Variants in TMEM132D observed in about 807,000 individuals in gnomAD.
The protein encoded by TMEM132D is transmembrane protein 132D, also known as mature OL transmembrane protein.
In TMEM132D, 21 loss-of-function variants were observed where a neutral mutation model predicts 62.3. That is an observed-to-expected ratio of 0.34 (90% CI 0.24 to 0.49). TMEM132D has a LOEUF of 0.49. Ranked by LOEUF, TMEM132D falls within the 20% of genes least tolerant of loss-of-function variation. TMEM132D has a pLI of 0.99. For missense variants in TMEM132D, 1,346 were observed against 1,402.8 expected (o/e 0.96, Z 0.65); for synonymous variants, 621 against 575.6 (o/e 1.08, Z -1.13).
chr12:129,903,326 T>C lies in TMEM132D; in HGVS notation c.14A>G (p.Glu5Gly). Residue 5 changes from glutamate to glycine, a missense_variant, in exon 1 of 9, where the codon GAG becomes GGG. By Grantham distance (98) the Glu-to-Gly change is moderately conservative. Transcript: ENST00000422113. The surrounding 1 kb of genome is among the most constrained non-coding windows in gnomAD (Gnocchi z 6.2). MCPS[E>G]MGTLWHHWSP... is the part of the protein sequence containing the mutation. ...CCAGTGGTGCCACAGCGTCCCCATC[T>C]CAGACGGGCACATCCTGGAGACCCG... 1 of 1,553,044 alleles carries C rather than the reference T, an allele frequency of 6.4e-7. No individual in the cohort carries two copies. The highest frequency in any genetic ancestry group is 8.7e-7 in the Non-Finnish European group (1 of 1,147,886).
intron 4 of TMEM132D, among the ~76,000 whole-genome samples, chr12:129,318,358 C>T (rs1371340590): frequency 6.6e-6 from 1 of 152,148 alleles, no homozygotes; most frequent in African/African-American, 2.4e-5. Context: ...ATACTCTTCC[C>T]CTTTTCCTAT....
chr12:129,176,597 TGCTTTGATGGCTCTC>T (rs1210991896), intron 5 of TMEM132D, among the ~76,000 whole-genome samples: 1 of 152,200 alleles, frequency 6.6e-6, no homozygotes, highest in African/African-American at 2.4e-5. Context: ...CTCCCCAAAT[TGCTTTGATGGCTCTC>T]GCTACCACAC....
intron 3 of TMEM132D, among the ~76,000 whole-genome samples, chr12:129,459,201 A>G (rs1334818859): frequency 2.0e-5 from 3 of 152,156 alleles, no homozygotes; most frequent in African/African-American, 7.2e-5. Context: ...ATGAGGGCAG[A>G]GTGAGGCCTG....
chr12:129,207,540 G>A (rs563221603), intron 5 of TMEM132D, among the ~76,000 whole-genome samples: 52 of 152,244 alleles, frequency 3.4e-4, no homozygotes, highest in Middle Eastern at 3.4e-3. Flanking sequence ...CGAGGGAGCC[G>A]TACAGGCATC....
chr12:129,750,313 T>C (rs1869959236), intron 1 of TMEM132D, among the ~76,000 whole-genome samples: 1 of 152,130 alleles, frequency 6.6e-6, no homozygotes, highest in African/African-American at 2.4e-5. Context: ...CTCGATCTCC[T>C]GACCTCATGA....
In TMEM132D at chr12:129,172,623, G is replaced by A. The variant is rs146904371; in HGVS notation, c.1443+36897C>T. Among the ~76,000 whole-genome samples the A allele has an allele frequency of 1.6e-3, 241 of 152,256 alleles. 7 individuals are homozygous for A. The East Asian group carries it at 0.043, about 27-fold the overall frequency. ...GATAGAGTTTCACTCTTGTTGCCCA[G>A]GCTGGAGTGCAATGGTGAGATCTTG... On this transcript the variant is annotated intron_variant, in intron 5 of 8. Transcript: ENST00000422113.
chr12:129,159,447 A>G (rs1877334760), intron 5 of TMEM132D, among the ~76,000 whole-genome samples: 1 of 152,158 alleles, frequency 6.6e-6, no homozygotes, highest in African/African-American at 2.4e-5. Flanking sequence ...GAGATAAATG[A>G]CATATGCATA....
intron 4 of TMEM132D, among the ~76,000 whole-genome samples, chr12:129,261,728 TTCTC>T (rs2135595694): frequency 6.6e-6 from 1 of 152,292 alleles, no homozygotes; most frequent in East Asian, 1.9e-4. Context: ...TTGCAAGGCC[TTCTC>T]TCTGTGTGTG....
At chr12:129,603,635 G>A (rs537703158) in intron 2 of TMEM132D, among the ~76,000 whole-genome samples, 32 of 152,316 alleles carry the variant, frequency 2.1e-4, no homozygotes, top group African/African-American at 7.2e-4. Context: ...TCTCACACCA[G>A]TTAGAATGGC....
At chr12:129,158,696 A>C (rs1877313874) in intron 5 of TMEM132D, among the ~76,000 whole-genome samples, 1 of 151,632 alleles carries the variant, frequency 6.6e-6, no homozygotes, top group African/African-American at 2.4e-5. Context: ...CTGGAAGAGC[A>C]CATTGGGGAA....
At chr12:129,293,973 GC>G (rs1881510744) in intron 4 of TMEM132D, among the ~76,000 whole-genome samples, 1 of 152,142 alleles carries the variant, frequency 6.6e-6, no homozygotes, top group African/African-American at 2.4e-5. Context: ...GGAGAGGGGG[GC>G]CCCACAGTAA....
intron 1 of TMEM132D, among the ~76,000 whole-genome samples, chr12:129,794,254 T>A (rs994729523): frequency 3.3e-3 from 12 of 3,628 alleles, no homozygotes; most frequent in Admixed American, 6.9e-3. Context: ...ATGCCCAGCA[T>A]TTTTTTTTTT....
At chr12:129,437,874 T>A (rs1430034736) in intron 3 of TMEM132D, among the ~76,000 whole-genome samples, 1 of 151,506 alleles carries the variant, frequency 6.6e-6, no homozygotes, top group Non-Finnish European at 1.5e-5. Flanking sequence ...TTTCTCCTAA[T>A]GCTATCCCTC....
chr12:129,878,002 G>A (rs1213190985), intron 1 of TMEM132D, among the ~76,000 whole-genome samples: 2 of 152,198 alleles, frequency 1.3e-5, no homozygotes, highest in Non-Finnish European at 2.9e-5. Context: ...CAAAATGCCT[G>A]TACTGTCTGT....
intron 3 of TMEM132D, among the ~76,000 whole-genome samples, chr12:129,343,041 A>G (rs1869548460): frequency 6.6e-6 from 1 of 152,228 alleles, no homozygotes; most frequent in Non-Finnish European, 1.5e-5. Context: ...ATCTAGAACT[A>G]GAAACACCAT....
chr12:129,700,724 G>C (rs775038238), intron 1 of TMEM132D, 26 bp from the exon 2 acceptor site: 2 of 1,573,510 alleles, frequency 1.3e-6, no homozygotes, highest in South Asian at 2.3e-5. Flanking sequence ...CGCAGTGCAG[G>C]CGTTAGTAAT....
intron 1 of TMEM132D, chr12:129,839,934 C>T (rs1253061862): frequency 6.6e-6 from 1 of 152,178 alleles, no homozygotes; most frequent in Non-Finnish European, 1.5e-5. Flanking sequence ...CTGATTCACA[C>T]AGGGTTCATG....
intron 1 of TMEM132D, among the ~76,000 whole-genome samples, chr12:129,861,498 C>T (rs780366975): frequency 9.2e-5 from 14 of 152,186 alleles, no homozygotes; most frequent in Admixed American, 6.5e-4. Context: ...CAGTGGCTCA[C>T]GCCTGTAATC....
At chr12:129,558,013 T>G (rs1339344565) in intron 2 of TMEM132D, among the ~76,000 whole-genome samples, 2 of 152,224 alleles carry the variant, frequency 1.3e-5, no homozygotes, top group Non-Finnish European at 2.9e-5. Context: ...GTGAACCATT[T>G]ATCAGAAATG....
Sources: allele counts gnomAD v4.1 joint callset (sites outside exome capture counted in the v4.1 genomes callset), GRCh38; gene constraint gnomAD v4.1.1; non-coding constraint Gnocchi (gnomAD v3.1); transcripts MANE v1.5; gene names NCBI Gene and HGNC (gene_info 2026-07-23, HGNC 2026-07-21).